The following XPO7 variants were observed in gnomAD, a reference collection of about 807,000 sequenced individuals.
The protein encoded by XPO7 is exportin 7.
A neutral mutation model predicts 144.3 loss-of-function variants in XPO7; 21 were observed. That is an observed-to-expected ratio of 0.15 (90% CI 0.10 to 0.21). The LOEUF (loss-of-function observed/expected upper bound fraction) is 0.21, where lower values mean the gene tolerates loss of function less well. Among genes scored for constraint, XPO7 ranks in the 10% least tolerant of loss-of-function variants. XPO7 has a pLI of 1.00. For missense variants in XPO7, 808 were observed against 1,325.8 expected, an observed-to-expected ratio of 0.61 and a Z score of 6.06; for synonymous variants, 580 against 499.6, an observed-to-expected ratio of 1.16 and a Z score of -2.15.
chr8:21,987,712 T>C (rs1812627198), intron 14 of XPO7, 72 bp from the exon 15 acceptor site: 2 of 1,544,532 alleles, frequency 1.3e-6, no homozygotes, highest in African/African-American at 1.4e-5. Context: ...CCCATGAGTG[T>C]GGACAAAAAT....
At chr8:22,000,521 C>G (rs1451357756) in intron 24 of XPO7, among the ~76,000 whole-genome samples, 4 of 148,140 alleles carry the variant, frequency 2.7e-5, no homozygotes, top group Non-Finnish European at 5.9e-5. Context: ...GGCGCGATCT[C>G]AGCTCACTGC....
At position 21,987,710 on chromosome 8, in the gene XPO7, T is replaced by C. The variant is rs1812627029; in HGVS notation, c.1714-74T>C. On this transcript the variant is annotated intron_variant, in intron 14 of 27. Transcript: ENST00000252512. Reference sequence around the variant, plus strand: ...TTTTCTTCCACATCTTACCCATGAGTGTGGACAAAAATAGTACCAGGATGT... The same window carrying C: ...TTTTCTTCCACATCTTACCCATGAGCGTGGACAAAAATAGTACCAGGATGT... 5.2e-6 allele frequency: 8 copies of C among 1,529,892 alleles called. No individual in the cohort carries two copies. In the South Asian group the frequency reaches 9.4e-5, roughly 18 times the overall value. The allele number at this position is 1,529,892 out of a possible 1,614,324, so 94.8% of individuals were successfully genotyped here. A position where few individuals can be genotyped will look rare whatever the true frequency, so the allele number is the denominator to read the frequency against.
intron 5 of XPO7, among the ~76,000 whole-genome samples, chr8:21,974,217 GT>G (rs1420496772): frequency 7.4e-6 from 1 of 135,786 alleles, no homozygotes; most frequent in Non-Finnish European, 1.7e-5. Context: ...ATTTTTTTTA[GT>G]TTTTAGAGGT....
At chr8:21,948,427 G>C (rs1243279906) in intron 1 of XPO7, among the ~76,000 whole-genome samples, 1 of 152,174 alleles carries the variant, frequency 6.6e-6, no homozygotes, top group Non-Finnish European at 1.5e-5. Flanking sequence ...ATACCATATA[G>C]CTTAGGTGTA....
chr8:21,951,346 A>G (rs1811365519), intron 1 of XPO7, among the ~76,000 whole-genome samples: 1 of 151,950 alleles, frequency 6.6e-6, no homozygotes, highest in Admixed American at 6.6e-5. Flanking sequence ...ATACCCACAT[A>G]TACTCTTAAT....
intron 1 of XPO7, among the ~76,000 whole-genome samples, chr8:21,942,987 C>T (rs971836366): frequency 4.8e-4 from 73 of 152,284 alleles, no homozygotes; most frequent in African/African-American, 1.7e-3. Flanking sequence ...TGCTAAAGTA[C>T]CAGCCGTTTT....
At chr8:22,000,316 C>T (rs1563340034) in intron 24 of XPO7, among the ~76,000 whole-genome samples, 1 of 152,104 alleles carries the variant, frequency 6.6e-6, no homozygotes, top group Non-Finnish European at 1.5e-5. Flanking sequence ...GCCTGTAAGC[C>T]GTATTAGGCT....
intron 1 of XPO7, among the ~76,000 whole-genome samples, chr8:21,951,931 G>A (rs1312982025): frequency 2.6e-5 from 4 of 152,182 alleles, no homozygotes; most frequent in Admixed American, 2.6e-4. Context: ...AGTTAATCAA[G>A]ATAGGAGGGA....
chr8:21,938,414 AC>A (rs947539938), intron 1 of XPO7, among the ~76,000 whole-genome samples: 1 of 152,080 alleles, frequency 6.6e-6, no homozygotes, highest in Non-Finnish European at 1.5e-5. Flanking sequence ...CCAAAAAGAA[AC>A]CCTATACCCG....
At chr8:21,998,708 C>T (rs1813035733) in intron 21 of XPO7, 47 bp from the exon 22 acceptor site, 1 of 1,570,496 alleles carries the variant, frequency 6.4e-7, no homozygotes, top group Non-Finnish European at 8.7e-7. Context: ...CCCCAGTCTT[C>T]CAAGAAAACA....
intron 1 of XPO7, chr8:21,966,150 G>C: frequency 1.5e-6 from 1 of 646,352 alleles, no homozygotes; most frequent in Non-Finnish European, 2.8e-6. Context: ...TTGGAGAGAA[G>C]AGTTTGCTTG....
chr8:21,998,831 A>G lies in XPO7; in HGVS notation c.2422A>G (p.Met808Val), dbSNP rs751717437. 6.2e-6 allele frequency: 10 copies of G among 1,613,892 alleles called. No homozygotes were observed. Among genetic ancestry groups the G allele is most frequent in the Non-Finnish European group, 8.5e-6 (10 of 1,179,820 alleles). ...CCGAGAAACCAGCAAGATGATAACA[A>G]TGTATGGTAAGTGCTTCAGATAATC... ...LFRETSKMIT[M>V]YGNRILTLGE... The change falls in exon 22 of 28, where the codon ATG (methionine) becomes GTG (valine). Residue 808 changes from methionine to valine, a missense_variant. By Grantham distance (21) the Met-to-Val change is conservative. Around this residue, in one of 5 missense-constraint regions of XPO7, gnomAD observed 416 missense variants for 612.5 expected, o/e 0.68. Transcript: ENST00000252512.
At chr8:21,991,276 C>G (rs1440976991) in intron 18 of XPO7, among the ~76,000 whole-genome samples, 1 of 152,194 alleles carries the variant, frequency 6.6e-6, no homozygotes. Flanking sequence ...GTCAACACCA[C>G]TTTTTATTAT....
At chr8:21,963,398 C>T (rs1020334675) in intron 1 of XPO7, among the ~76,000 whole-genome samples, 1 of 152,118 alleles carries the variant, frequency 6.6e-6, no homozygotes, top group Non-Finnish European at 1.5e-5. Context: ...AGCAGTGAGG[C>T]TAATTTAAAA....
chr8:21,990,243 A>C (rs1267057386), intron 16 of XPO7, 101 bp from the exon 17 acceptor site: 1 of 1,186,056 alleles, frequency 8.4e-7, no homozygotes, highest in Non-Finnish European at 1.2e-6. Context: ...TTTAAAAAAT[A>C]AGATATTTGG....
rs769149146 is a variant in XPO7, at chr8:21,995,521, G to A, written c.2267G>A (p.Arg756Gln). ...CCATCCTATATGCCAATTCTCCAAC[G>A]GGCAATTGAGCTCTGGTACCATGAT... is the stretch of plus-strand genomic sequence containing the variant. ...IYPSYMPILQ[R>Q]AIELWYHDPA... The change falls in exon 21 of 28, where the codon CGG becomes CAG. Residue 756 changes from arginine (R) to glutamine (Q), a missense_variant. Physicochemically the swap from Arg to Gln is conservative, Grantham distance 43. Around this residue, in one of 5 missense-constraint regions of XPO7, gnomAD observed 416 missense variants for 612.5 expected, o/e 0.68. Transcript: ENST00000252512. 2.5e-6 allele frequency: 4 copies of A among 1,609,470 alleles called. No homozygotes were observed. The highest frequency in any genetic ancestry group is 1.3e-5 in the African/African-American group (1 of 74,812).
At chr8:21,998,613 G>T in intron 21 of XPO7, 142 bp from the exon 22 acceptor site, 1 of 607,882 alleles carries the variant, frequency 1.6e-6, no homozygotes, top group South Asian at 2.2e-5. Context: ...TCTATAACTT[G>T]GTTATTCTCA....
At chr8:21,989,106 C>T in intron 16 of XPO7, 23 bp downstream of exon 16, 1 of 1,602,988 alleles carries the variant, frequency 6.2e-7, no homozygotes, top group Non-Finnish European at 8.5e-7. Flanking sequence ...AAGCTAACTT[C>T]TGTGCACAAC....
intron 13 of XPO7, among the ~76,000 whole-genome samples, 169 bp downstream of exon 13, chr8:21,985,860 T>TTAAAA (rs1315894783): frequency 1.3e-5 from 2 of 152,180 alleles, no homozygotes; most frequent in African/African-American, 4.8e-5. Context: ...GATCTTTACT[T>TTAAAA]TAAAATAAAA....
Sources: gnomAD v4.1 joint callset for allele counts (sites outside exome capture counted in the v4.1 genomes callset) on GRCh38, gnomAD v4.1.1 for gene constraint, gnomAD v4.1.1 regional missense constraint, MANE v1.5 for transcripts, NCBI Gene and HGNC (gene_info 2026-07-23, HGNC 2026-07-21) for gene names.